Variants in CLSTN2 observed in about 807,000 individuals in gnomAD.
CLSTN2 encodes the protein calsyntenin-2.
CLSTN2 carries 48 observed loss-of-function variants against 101.2 expected under a neutral mutation model. The ratio of observed to expected loss-of-function variants is 0.47; its 90% CI spans 0.38 to 0.60. The LOEUF is 0.60. CLSTN2 is among the 20% of genes least tolerant of loss of function. The pLI is 0.00. For synonymous variants in CLSTN2, 481 were observed against 463.6 expected, an observed-to-expected ratio of 1.04 and a Z score of -0.48; for missense variants, 1,160 against 1,238.2, an observed-to-expected ratio of 0.94 and a Z score of 0.95.
At chr3:140,226,223 G>A (rs2086318987) in intron 2 of CLSTN2, among the ~76,000 whole-genome samples, 1 of 152,292 alleles carries the variant, frequency 6.6e-6, no homozygotes, top group Non-Finnish European at 1.5e-5. Flanking sequence ...GACAGGGTGG[G>A]GATGGGAGGG....
chr3:140,084,425 T>A (rs1014314277), intron 1 of CLSTN2, among the ~76,000 whole-genome samples: 27 of 152,198 alleles, frequency 1.8e-4, no homozygotes, highest in African/African-American at 6.5e-4. Flanking sequence ...GAAAGTCCTT[T>A]AATATCTGTG....
intron 8 of CLSTN2, among the ~76,000 whole-genome samples, chr3:140,493,837 A>T (rs1226744242): frequency 1.3e-5 from 2 of 152,210 alleles, no homozygotes; most frequent in Non-Finnish European, 2.9e-5. Context: ...CAGCTCATTA[A>T]CCGGTCTCTC....
chr3:140,085,634 C>T (rs142038586), intron 1 of CLSTN2, among the ~76,000 whole-genome samples: 107 of 152,174 alleles, frequency 7.0e-4, no homozygotes, highest in African/African-American at 2.4e-3. Flanking sequence ...GGTGAGACTC[C>T]GGTGTCATTT....
intron 8 of CLSTN2, among the ~76,000 whole-genome samples, chr3:140,492,078 A>G (rs1035133349): frequency 1.3e-4 from 20 of 152,308 alleles, no homozygotes; most frequent in African/African-American, 4.8e-4. Context: ...GCTCAACTTC[A>G]TTATATGTTG....
intron 1 of CLSTN2, among the ~76,000 whole-genome samples, chr3:139,992,372 C>T (rs929920495): frequency 6.6e-6 from 1 of 152,152 alleles, no homozygotes; most frequent in African/African-American, 2.4e-5. Flanking sequence ...ACCCTGTACT[C>T]TACTCTTACG....
At chr3:140,049,658 C>T (rs1044089644) in intron 1 of CLSTN2, among the ~76,000 whole-genome samples, 3 of 152,106 alleles carry the variant, frequency 2.0e-5, no homozygotes, top group Non-Finnish European at 4.4e-5. Context: ...CTTTTGACCA[C>T]GTTGCTTCAA....
intron 1 of CLSTN2, among the ~76,000 whole-genome samples, chr3:139,946,691 G>C (rs1337017473): frequency 6.6e-6 from 1 of 152,220 alleles, no homozygotes; most frequent in East Asian, 1.9e-4. Flanking sequence ...GGATCAGCCA[G>C]AAGAAGACTT....
At chr3:140,024,203 C>T (rs2007374248) in intron 1 of CLSTN2, among the ~76,000 whole-genome samples, 1 of 152,100 alleles carries the variant, frequency 6.6e-6, no homozygotes, top group Non-Finnish European at 1.5e-5. Context: ...CATCTTTAGC[C>T]CTGATTAAAT....
intron 1 of CLSTN2, among the ~76,000 whole-genome samples, chr3:140,056,783 GA>G (rs966177248): frequency 3.9e-5 from 6 of 151,902 alleles, no homozygotes; most frequent in Admixed American, 2.6e-4. Context: ...AGATATTTGT[GA>G]AAAAAAATGA....
chr3:139,982,478 C>G (rs974588088), intron 1 of CLSTN2, among the ~76,000 whole-genome samples: 10 of 152,030 alleles, frequency 6.6e-5, no homozygotes, highest in African/African-American at 2.4e-4. Flanking sequence ...TATTTAATAG[C>G]TGCAAATGCT....
At chr3:140,127,299 GATAGCA>G (rs1244730785) in intron 1 of CLSTN2, among the ~76,000 whole-genome samples, 3 of 152,144 alleles carry the variant, frequency 2.0e-5, no homozygotes, top group Admixed American at 6.5e-5. Context: ...TCACCTGTTA[GATAGCA>G]ATAATAACAC....
chr3:140,438,609 A>G (rs1337648725), intron 5 of CLSTN2, among the ~76,000 whole-genome samples: 2 of 152,158 alleles, frequency 1.3e-5, no homozygotes, highest in East Asian at 3.9e-4. Context: ...CCATGTAAGT[A>G]AAGATTCTTA....
chr3:140,351,518 C>A (rs2107942921), intron 2 of CLSTN2, among the ~76,000 whole-genome samples: 1 of 152,270 alleles, frequency 6.6e-6, no homozygotes, highest in African/African-American at 2.4e-5. Context: ...TCAAGTCTTC[C>A]TAGAGCAGAG....
chr3:140,116,492 G>T (rs1162369461), intron 1 of CLSTN2, among the ~76,000 whole-genome samples: 1 of 152,092 alleles, frequency 6.6e-6, no homozygotes, highest in African/African-American at 2.4e-5. Context: ...AAATGGACTG[G>T]TTTTCTCCTT....
intron 5 of CLSTN2, among the ~76,000 whole-genome samples, chr3:140,433,662 C>A (rs139957137): frequency 4.0e-3 from 609 of 152,308 alleles, no homozygotes; most frequent in Non-Finnish European, 6.2e-3. Flanking sequence ...CTCTCAGAAC[C>A]CTCAGATGTG....
chr3:140,567,913 A>G lies in CLSTN2; in HGVS notation c.*1660A>G, dbSNP rs1985348278. On this transcript the variant is annotated 3_prime_UTR_variant, in exon 17 of 17. Coordinates refer to ENST00000458420, the MANE Select transcript of CLSTN2 (RefSeq NM_022131.3). ...GGAGGACCCATGGCAGGTCTTTTCA[A>G]CTTTCTGATTCATGAGAACAACCTT... The G allele has an allele frequency of 6.6e-6, 1 of 152,252 alleles. No individual in the cohort carries two copies. 9.4% of individuals were successfully genotyped at this position (152,252 alleles called of 1,614,324 possible).
chr3:139,972,767 C>T (rs1329350414), intron 1 of CLSTN2, among the ~76,000 whole-genome samples: 1 of 152,106 alleles, frequency 6.6e-6, no homozygotes, highest in African/African-American at 2.4e-5. Flanking sequence ...CCTCCTGCTG[C>T]CTTCCGCCAG....
intron 11 of CLSTN2, among the ~76,000 whole-genome samples, chr3:140,557,245 T>A (rs191479997): frequency 1.3e-5 from 2 of 152,224 alleles, no homozygotes; most frequent in African/African-American, 4.8e-5. Flanking sequence ...CCCAGAAAAT[T>A]CCTGGAAGGT....
intron 1 of CLSTN2, among the ~76,000 whole-genome samples, chr3:140,133,368 C>G (rs2009551717): frequency 6.6e-6 from 1 of 152,212 alleles, no homozygotes; most frequent in Non-Finnish European, 1.5e-5. Flanking sequence ...GGATAAATAT[C>G]CAAACCATAT....
Sources: allele counts gnomAD v4.1 joint callset (sites outside exome capture counted in the v4.1 genomes callset), GRCh38; gene constraint gnomAD v4.1.1; transcripts MANE v1.5; gene names NCBI Gene and HGNC (gene_info 2026-07-23, HGNC 2026-07-21).